The following NKAIN2 variants were observed in gnomAD, a reference collection of about 807,000 sequenced individuals.
The protein encoded by NKAIN2 is sodium/potassium transporting ATPase interacting 2.
NKAIN2 carries 14 observed loss-of-function variants against 32.6 expected under a neutral mutation model. The ratio of observed to expected loss-of-function variants is 0.43; its 90% CI spans 0.28 to 0.67. The LOEUF is 0.67. Ranked by LOEUF, NKAIN2 falls within the 30% of genes least tolerant of loss-of-function variation. The pLI, the probability that NKAIN2 is intolerant of heterozygous loss-of-function variation, is 0.17. For missense variants in NKAIN2, 198 were observed against 258.3 expected (o/e 0.77, Z 1.60); for synonymous variants, 80 against 87.2 (o/e 0.92, Z 0.46).
chr6:123,915,602 C>T (rs1053528331), intron 1 of NKAIN2, among the ~76,000 whole-genome samples: 7 of 152,096 alleles, frequency 4.6e-5, no homozygotes, highest in South Asian at 2.1e-4. Context: ...CAATTTACAT[C>T]GTATGGAGCA....
At chr6:124,168,642 C>T (rs958255420) in intron 1 of NKAIN2, among the ~76,000 whole-genome samples, 3 of 151,908 alleles carry the variant, frequency 2.0e-5, no homozygotes, top group African/African-American at 7.3e-5. Flanking sequence ...AGAACCATTG[C>T]CTGTGTGTTG....
rs544095857 is a variant in NKAIN2, at chr6:123,852,275, A to T, written c.54+48021A>T. ...AGTTAATTAACATATGCAGTACTTC[A>T]CAAACTTCTTTTTTTTTGTGATGAG... is the stretch of plus-strand genomic sequence containing the variant. On this transcript the variant is annotated intron_variant, in intron 1 of 6. Coordinates refer to ENST00000368417, the MANE Select transcript of NKAIN2 (RefSeq NM_001040214.3). 8.1e-3 allele frequency among the ~76,000 whole-genome samples: 798 copies of T among 99,074 alleles called. 8 individuals are homozygous for T. The highest frequency in any genetic ancestry group is 0.029 in the African/African-American group (754 of 26,130). The allele number at this position is 99,074 out of a possible 152,430, so 65.0% of individuals were successfully genotyped here. A position where few individuals can be genotyped will look rare whatever the true frequency, so the allele number is the denominator to read the frequency against.
At chr6:124,648,470 A>T (rs1389821802) in intron 3 of NKAIN2, among the ~76,000 whole-genome samples, 4 of 152,224 alleles carry the variant, frequency 2.6e-5, no homozygotes, top group Non-Finnish European at 5.9e-5. Flanking sequence ...ATTGAGGAAG[A>T]AATCTCTTTA....
chr6:124,573,420 A>T lies in NKAIN2; in HGVS notation c.274-84766A>T, dbSNP rs533257770. On this transcript the variant is annotated intron_variant, in intron 3 of 6. Coordinates refer to ENST00000368417, the MANE Select transcript of NKAIN2 (RefSeq NM_001040214.3). ...CTCTCTCCTGATCTTCTCACTATTCACTTCTCTCTTTTGCATTCTTGTTGA... is the reference window on the plus strand; with the variant it reads ...CTCTCTCCTGATCTTCTCACTATTCTCTTCTCTCTTTTGCATTCTTGTTGA... Among the ~76,000 whole-genome samples the T allele has an allele frequency of 2.0e-5, 3 of 150,624 alleles. No homozygotes were observed. The South Asian group carries it at 6.3e-4, about 32-fold the overall frequency.
chr6:124,768,204 A>G (rs1778594973), intron 4 of NKAIN2, among the ~76,000 whole-genome samples: 1 of 152,178 alleles, frequency 6.6e-6, no homozygotes, highest in Admixed American at 6.5e-5. Context: ...GTAAATGTAT[A>G]TAATTTGTAG....
At chr6:124,184,269 T>G (rs1209187204) in intron 1 of NKAIN2, among the ~76,000 whole-genome samples, 1 of 152,082 alleles carries the variant, frequency 6.6e-6, no homozygotes, top group Non-Finnish European at 1.5e-5. Context: ...GCAAACTAGA[T>G]GTTATCTCTA....
chr6:124,628,114 C>T (rs1783425867), intron 3 of NKAIN2, among the ~76,000 whole-genome samples: 1 of 152,154 alleles, frequency 6.6e-6, no homozygotes, highest in African/African-American at 2.4e-5. Flanking sequence ...TGTTTCCCTT[C>T]TGTATTCCTT....
chr6:124,473,599 CA>C (rs1211302167), intron 3 of NKAIN2, among the ~76,000 whole-genome samples: 1 of 152,032 alleles, frequency 6.6e-6, no homozygotes, highest in Non-Finnish European at 1.5e-5. Context: ...AGCTGTTTTA[CA>C]AATGCACAAT....
intron 4 of NKAIN2, among the ~76,000 whole-genome samples, chr6:124,732,590 C>G (rs1776737370): frequency 6.6e-6 from 1 of 151,982 alleles, no homozygotes; most frequent in Admixed American, 6.6e-5. Context: ...TCTTTGGTTA[C>G]ACTCTTAAAA....
chr6:123,923,236 CACTT>C (rs1342330829), intron 1 of NKAIN2, among the ~76,000 whole-genome samples: 1 of 152,178 alleles, frequency 6.6e-6, no homozygotes, highest in African/African-American at 2.4e-5. Context: ...TGACTTCACT[CACTT>C]ATTTTGCTTG....
At chr6:124,477,476 C>T (rs1484161163) in intron 3 of NKAIN2, among the ~76,000 whole-genome samples, 1 of 152,074 alleles carries the variant, frequency 6.6e-6, no homozygotes, top group Admixed American at 6.5e-5. Flanking sequence ...CCTGTGAGAA[C>T]CAAAAACCTT....
intron 1 of NKAIN2, among the ~76,000 whole-genome samples, chr6:123,839,550 T>C (rs1424231384): frequency 6.6e-6 from 1 of 152,160 alleles, no homozygotes; most frequent in Non-Finnish European, 1.5e-5. Flanking sequence ...AGAGAGTTTG[T>C]AGTTCCCTTT....
chr6:124,775,059 T>A (rs1778928211), intron 4 of NKAIN2, among the ~76,000 whole-genome samples: 1 of 152,130 alleles, frequency 6.6e-6, no homozygotes, highest in Non-Finnish European at 1.5e-5. Context: ...CTCAAAACAC[T>A]TGAACATAGG....
At chr6:124,264,422 G>T (rs757961055) in intron 1 of NKAIN2, among the ~76,000 whole-genome samples, 4 of 151,976 alleles carry the variant, frequency 2.6e-5, no homozygotes, top group Non-Finnish European at 5.9e-5. Context: ...ACTTTGAAAG[G>T]TTATTTTTTT....
chr6:123,813,855 CT>C (rs5879698), intron 1 of NKAIN2, among the ~76,000 whole-genome samples: 3,575 of 141,694 alleles, frequency 0.025, 100 homozygotes, highest in African/African-American at 0.081. Context: ...AGCTCTGGAC[CT>C]TTTTTTTTTT....
intron 4 of NKAIN2, among the ~76,000 whole-genome samples, chr6:124,742,469 C>T (rs1420839220): frequency 1.3e-5 from 2 of 151,718 alleles, no homozygotes; most frequent in Non-Finnish European, 2.9e-5. Context: ...ATCACTATCA[C>T]CCCCCACCCC....
intron 1 of NKAIN2, among the ~76,000 whole-genome samples, chr6:123,908,234 A>G (rs1774989591): frequency 6.6e-6 from 1 of 152,156 alleles, no homozygotes; most frequent in African/African-American, 2.4e-5. Context: ...ATTTAAAATA[A>G]TAATAATAAT....
chr6:124,493,737 AAAAC>A (rs1425561100), intron 3 of NKAIN2, among the ~76,000 whole-genome samples: 1 of 148,786 alleles, frequency 6.7e-6, no homozygotes, highest in African/African-American at 2.5e-5. Flanking sequence ...AAAAAAAAAA[AAAAC>A]AGTCAACATC....
At chr6:124,083,219 A>G (rs1430100807) in intron 1 of NKAIN2, among the ~76,000 whole-genome samples, 1 of 151,910 alleles carries the variant, frequency 6.6e-6, no homozygotes, top group Non-Finnish European at 1.5e-5. Context: ...TGGACTTAAC[A>G]TCACTGAAGA....
Sources: allele counts gnomAD v4.1 joint callset (sites outside exome capture counted in the v4.1 genomes callset), GRCh38; gene constraint gnomAD v4.1.1; transcripts MANE v1.5; gene names NCBI Gene and HGNC (gene_info 2026-07-23, HGNC 2026-07-21).